DPH6: variants seen among roughly 807,000 people sequenced by gnomAD.
The protein encoded by DPH6 is diphthine--ammonia ligase.
DPH6 carries 33 observed loss-of-function variants against 38.2 expected under a neutral mutation model. The observed-to-expected ratio is 0.86, with a 90% CI of 0.65 to 1.15. The LOEUF is 1.15. Ranked by LOEUF, DPH6 falls within the 50% of genes most tolerant of loss-of-function variation. The pLI is 0.00. For synonymous variants in DPH6, 108 were observed against 103.0 expected (o/e 1.05, Z -0.30); for missense variants, 325 against 320.0 (o/e 1.02, Z -0.12).
chr15:35,436,122 A>G (rs1355194169), intron 5 of DPH6, among the ~76,000 whole-genome samples: 1 of 151,888 alleles, frequency 6.6e-6, no homozygotes, highest in African/African-American at 2.4e-5. Flanking sequence ...ACCTCCATGG[A>G]GTCCCCTCAT....
chr15:35,382,556 T>C (rs930072259), intron 6 of DPH6, among the ~76,000 whole-genome samples: 2 of 152,060 alleles, frequency 1.3e-5, no homozygotes, highest in African/African-American at 4.8e-5. Flanking sequence ...TAAACAAAAA[T>C]ATATGCAGCC....
At chr15:35,517,981 T>A (rs1169150520) in intron 3 of DPH6, among the ~76,000 whole-genome samples, 1 of 152,088 alleles carries the variant, frequency 6.6e-6, no homozygotes, top group African/African-American at 2.4e-5. Context: ...GAAGTATGTT[T>A]GTTTTAATTG....
At chr15:35,389,321 A>T (rs2053018646) in intron 6 of DPH6, among the ~76,000 whole-genome samples, 2 of 152,152 alleles carry the variant, frequency 1.3e-5, no homozygotes, top group African/African-American at 2.4e-5. Flanking sequence ...TATTCTGTTG[A>T]TTTGGGGTGC....
intron 3 of DPH6, among the ~76,000 whole-genome samples, chr15:35,468,863 T>C (rs1403810925): frequency 6.6e-6 from 1 of 151,434 alleles, no homozygotes; most frequent in Non-Finnish European, 1.5e-5. Context: ...GTGTTCGGAG[T>C]TCAAGACAAA....
chr15:35,216,337 T>C (rs944553039), downstream of DPH6, among the ~76,000 whole-genome samples: 15 of 152,242 alleles, frequency 9.9e-5, no homozygotes, highest in Non-Finnish European at 1.9e-4. Context: ...GATGTTTTGA[T>C]AGTATATAGA....
chr15:35,170,463 G>A, the DPH6 span, among the ~76,000 whole-genome samples: 69 of 152,152 alleles, frequency 4.5e-4, no homozygotes, highest in African/African-American at 1.6e-3. Context: ...ATGACATTTT[G>A]GTTTTTACTT....
chr15:35,341,346 C>T (rs2052420263), intron 3 of DPH6, among the ~76,000 whole-genome samples: 1 of 152,056 alleles, frequency 6.6e-6, no homozygotes, highest in South Asian at 2.1e-4. Context: ...TCATTATTAC[C>T]CACCTTCTGA....
intron 3 of DPH6, among the ~76,000 whole-genome samples, chr15:35,531,674 T>C (rs2055089256): frequency 6.6e-6 from 1 of 152,134 alleles, no homozygotes; most frequent in African/African-American, 2.4e-5. Flanking sequence ...GGTTTCAATA[T>C]GTTGGCCAGG....
chr15:35,320,161 A>G (rs974954812), intron 3 of DPH6, among the ~76,000 whole-genome samples: 2 of 152,142 alleles, frequency 1.3e-5, no homozygotes, highest in African/African-American at 2.4e-5. Context: ...GTCACTAAAA[A>G]TATTAAGTAA....
intron 2 of DPH6, among the ~76,000 whole-genome samples, chr15:35,540,182 T>C (rs2055232038): frequency 6.6e-6 from 1 of 152,048 alleles, no homozygotes; most frequent in Admixed American, 6.6e-5. Context: ...CCTAACCACA[T>C]TGTAACTTTG....
the DPH6 span, among the ~76,000 whole-genome samples, chr15:35,197,637 G>A: frequency 6.6e-6 from 1 of 152,058 alleles, no homozygotes; most frequent in Non-Finnish European, 1.5e-5. Flanking sequence ...ATTGCTTTAG[G>A]GTTTCTAGGT....
At chr15:35,193,036 T>C in the DPH6 span, among the ~76,000 whole-genome samples, 8 of 152,232 alleles carry the variant, frequency 5.3e-5, no homozygotes, top group African/African-American at 1.9e-4. Flanking sequence ...TTCAAAGTTC[T>C]AATAGATCAA....
intron 5 of DPH6, among the ~76,000 whole-genome samples, chr15:35,438,878 G>A (rs1032536119): frequency 1.3e-5 from 2 of 152,052 alleles, no homozygotes; most frequent in Admixed American, 1.3e-4. Context: ...TTTTAAATTA[G>A]GTAAAATAAA....
intron 3 of DPH6, among the ~76,000 whole-genome samples, chr15:35,228,617 G>A (rs1013985611): frequency 3.3e-5 from 5 of 152,114 alleles, no homozygotes; most frequent in African/African-American, 1.2e-4. Flanking sequence ...TGTAGAGACG[G>A]GGTTTCAGCA....
intron 6 of DPH6, among the ~76,000 whole-genome samples, chr15:35,384,181 C>T (rs1194832480): frequency 6.6e-6 from 1 of 152,168 alleles, no homozygotes; most frequent in Non-Finnish European, 1.5e-5. Flanking sequence ...ATTCCAAATG[C>T]AATTTTTGCC....
chr15:35,432,232 T>C (rs2053641784), intron 5 of DPH6, among the ~76,000 whole-genome samples: 1 of 152,134 alleles, frequency 6.6e-6, no homozygotes, highest in Non-Finnish European at 1.5e-5. Flanking sequence ...CTATATGATG[T>C]TTAAAATGGG....
intron 3 of DPH6, among the ~76,000 whole-genome samples, chr15:35,253,246 A>G (rs1185278310): frequency 6.6e-6 from 1 of 152,240 alleles, no homozygotes; most frequent in Non-Finnish European, 1.5e-5. Context: ...GAAATTAAAT[A>G]TAAACAGTAG....
At chr15:35,301,876 A>C (rs1315746011) in intron 3 of DPH6, among the ~76,000 whole-genome samples, 1 of 152,178 alleles carries the variant, frequency 6.6e-6, no homozygotes, top group Non-Finnish European at 1.5e-5. Context: ...TGGGAGGCTG[A>C]GGCAGGATAA....
the DPH6 span, among the ~76,000 whole-genome samples, chr15:35,198,063 G>T: frequency 0.029 from 4,406 of 151,420 alleles, 192 homozygotes; most frequent in African/African-American, 0.094. Flanking sequence ...CTAATCTCAA[G>T]CCCTGCTGGC....
Sources: allele counts gnomAD v4.1 joint callset (sites outside exome capture counted in the v4.1 genomes callset), GRCh38; gene constraint gnomAD v4.1.1; transcripts MANE v1.5; gene names NCBI Gene and HGNC (gene_info 2026-07-23, HGNC 2026-07-21).